Variants in LRBA observed in about 807,000 individuals in gnomAD.
LRBA encodes lipopolysaccharide-responsive and beige-like anchor protein.
A neutral mutation model predicts 330.0 loss-of-function variants in LRBA; 176 were observed. That is an observed-to-expected ratio of 0.53 (90% CI 0.47 to 0.60). LRBA has a LOEUF of 0.60. Among genes scored for constraint, LRBA ranks in the 20% least tolerant of loss-of-function variants. The pLI is 0.00. For synonymous variants in LRBA, 1,230 were observed against 1,193.0 expected, an observed-to-expected ratio of 1.03 and a Z score of -0.64; for missense variants, 3,259 against 3,444.8, an observed-to-expected ratio of 0.95 and a Z score of 1.35.
In LRBA at chr4:150,752,567, A is replaced by G. The variant is rs545542166; in HGVS notation, c.5645+9216T>C. On this transcript the variant is annotated intron_variant, in intron 35 of 56. Transcript: ENST00000651943. Reference sequence around the variant, plus strand: ...TTGAAATTTAGCCCAGGTAGTAGCCACTTTTTCTGGAAGGCAGTATCCTTG... The same window carrying G: ...TTGAAATTTAGCCCAGGTAGTAGCCGCTTTTTCTGGAAGGCAGTATCCTTG... Among the ~76,000 whole-genome samples, 17 of 152,252 alleles carry G rather than the reference A, an allele frequency of 1.1e-4. No individual in the cohort carries two copies. In the South Asian group the frequency reaches 3.1e-3, roughly 28 times the overall value.
intron 40 of LRBA, among the ~76,000 whole-genome samples, chr4:150,542,279 C>T (rs1765392825): frequency 6.6e-6 from 1 of 152,174 alleles, no homozygotes; most frequent in South Asian, 2.1e-4. Flanking sequence ...GGGTTCAAAA[C>T]TAGCTCTAGC....
intron 2 of LRBA, among the ~76,000 whole-genome samples, chr4:150,932,550 G>A (rs900299239): frequency 1.3e-5 from 2 of 152,054 alleles, no homozygotes; most frequent in Admixed American, 1.3e-4. Context: ...CATAGTATGT[G>A]CAAGAACATG....
chr4:150,574,472 T>G (rs1244658874), intron 40 of LRBA, among the ~76,000 whole-genome samples: 1 of 151,978 alleles, frequency 6.6e-6, no homozygotes, highest in Non-Finnish European at 1.5e-5. Context: ...TCCAACCCAC[T>G]CATTTAGCAA....
At position 150,808,276 on chromosome 4, in the gene LRBA, T is replaced by A. The variant is rs1249752676; in HGVS notation, c.5384+44A>T. On this transcript the variant is annotated intron_variant, in intron 32 of 56. Coordinates refer to ENST00000651943, the MANE Select transcript of LRBA (RefSeq NM_001364905.1). ...TAAACCTAGATAGCTTAAAAAGTCA[T>A]CAAAAGGTATAAATCACAATATTCA... 5 of 1,277,486 alleles carry A rather than the reference T, an allele frequency of 3.9e-6. No individual in the cohort carries two copies. In the African/African-American group the frequency reaches 4.4e-5, roughly 11 times the overall value. 79.1% of individuals were successfully genotyped at this position (1,277,486 alleles called of 1,614,324 possible). A position where few individuals can be genotyped will look rare whatever the true frequency, so the allele number is the denominator to read the frequency against.
At chr4:150,455,683 T>C (rs1753969095) in intron 44 of LRBA, among the ~76,000 whole-genome samples, 2 of 152,312 alleles carry the variant, frequency 1.3e-5, no homozygotes, top group East Asian at 3.9e-4. Flanking sequence ...ATATTTTTAA[T>C]TATTTTTAAA....
intron 44 of LRBA, among the ~76,000 whole-genome samples, chr4:150,449,429 A>G (rs759558922): frequency 6.6e-5 from 10 of 151,922 alleles, no homozygotes; most frequent in Non-Finnish European, 1.3e-4. Flanking sequence ...GATCTACTTA[A>G]GAATGAGGAT....
intron 46 of LRBA, among the ~76,000 whole-genome samples, chr4:150,421,434 A>T (rs1748780849): frequency 6.6e-6 from 1 of 151,140 alleles, no homozygotes; most frequent in Non-Finnish European, 1.5e-5. Context: ...GTTATTTCTT[A>T]TTAAAATAAT....
Position 150,961,407 on chromosome 4 carries a change from T to C in LRBA, c.217-32342A>G, listed in dbSNP as rs1738133473. ...AGAAATACTGCAAGGCATCATGATA[T>C]CCTGAGAAAACTTAAAGCTAAGACA... On this transcript the variant is annotated intron_variant, in intron 2 of 56. Coordinates refer to ENST00000651943, the MANE Select transcript of LRBA (RefSeq NM_001364905.1). 1.3e-5 allele frequency among the ~76,000 whole-genome samples: 2 copies of C among 149,222 alleles called. 1 individual carries two copies. The highest frequency in any genetic ancestry group is 5.2e-5 in the African/African-American group (2 of 38,662).
chr4:150,800,840 T>C (rs990277245), intron 33 of LRBA, among the ~76,000 whole-genome samples: 2 of 152,202 alleles, frequency 1.3e-5, no homozygotes, highest in Non-Finnish European at 2.9e-5. Flanking sequence ...GTTAGTCTTT[T>C]CAAAAGGACA....
At chr4:150,397,280 CA>C in intron 47 of LRBA, among the ~76,000 whole-genome samples, 1 of 152,160 alleles carries the variant, frequency 6.6e-6, no homozygotes, top group East Asian at 1.9e-4. Flanking sequence ...AAAAGGTATT[CA>C]TTTTTTTCTT....
At chr4:150,444,012 C>G (rs1752255582) in intron 44 of LRBA, among the ~76,000 whole-genome samples, 2 of 150,494 alleles carry the variant, frequency 1.3e-5, no homozygotes. Context: ...ATTAAATGCT[C>G]TTTTGAAAAA....
chr4:150,721,361 A>G, intron 36 of LRBA: 1 of 291,622 alleles, frequency 3.4e-6, no homozygotes, highest in East Asian at 1.0e-4. Flanking sequence ...TTGGGTGGAG[A>G]GAAGAATTTT....
At position 150,831,948 on chromosome 4, in the gene LRBA, G is replaced by T; in HGVS notation, c.4598C>A (p.Ala1533Asp). The change falls in exon 29 of 57, where the codon GCC becomes GAC. Residue 1533 changes from alanine (A) to aspartate (D), a missense_variant. Ala to Asp is a moderately radical substitution (Grantham distance 126, BLOSUM62 -2). Coordinates refer to ENST00000651943, the MANE Select transcript of LRBA (RefSeq NM_001364905.1). ...AGAGATAAAGTATACTACTGCCAAG[G>T]CTAAAAATTGAGCTTGTTTGCTATC... ...IEDSKQAQFL[A>D]LAVVYFISVL... 3 of 1,528,298 alleles carry T rather than the reference G, an allele frequency of 2.0e-6. No individual in the cohort carries two copies. The highest frequency in any genetic ancestry group is 2.6e-6 in the Non-Finnish European group (3 of 1,132,252). The allele number at this position is 1,528,298 out of a possible 1,614,324, so 94.7% of individuals were successfully genotyped here.
chr4:150,545,605 A>T (rs1765768699), intron 40 of LRBA, among the ~76,000 whole-genome samples: 2 of 152,202 alleles, frequency 1.3e-5, no homozygotes, highest in African/African-American at 4.8e-5. Flanking sequence ...ATTATATAAT[A>T]TCTAAAACCA....
Position 150,277,895 on chromosome 4 carries a change from C to T in LRBA, c.8426G>A (p.Cys2809Tyr), listed in dbSNP as rs1470296037. 5.0e-6 allele frequency: 8 copies of T among 1,614,178 alleles called. No individual in the cohort carries two copies. The highest frequency in any genetic ancestry group is 1.7e-5 in the Admixed American group (1 of 60,028). The change falls in exon 56 of 57, where the codon TGT becomes TAT. Residue 2809 changes from cysteine to tyrosine, a missense_variant. Cys to Tyr is a radical substitution (Grantham distance 194, BLOSUM62 -2). Transcript: ENST00000651943. ...DLKQLFAYPG[C>Y]DAGIRAMALS... Reference sequence around the variant, plus strand: ...CGCCATGGCCCGGATTCCAGCGTCACATCCTGGATAGGCAAAGAGCTGCTT... The same window carrying T: ...CGCCATGGCCCGGATTCCAGCGTCATATCCTGGATAGGCAAAGAGCTGCTT...
chr4:150,293,115 T>C (rs2126808174), intron 53 of LRBA, among the ~76,000 whole-genome samples: 1 of 152,206 alleles, frequency 6.6e-6, no homozygotes, highest in East Asian at 1.9e-4. Flanking sequence ...CAAAAATATA[T>C]TATACAATAT....
chr4:150,457,958 C>G (rs929786620), intron 44 of LRBA, among the ~76,000 whole-genome samples: 2 of 151,966 alleles, frequency 1.3e-5, no homozygotes, highest in Admixed American at 1.3e-4. Flanking sequence ...GGATTACTGA[C>G]TGGCAGTGTG....
rs756217235 is a variant in LRBA, at chr4:150,467,794, GA to G, written c.6668-10del. 8.0e-6 allele frequency: 10 copies of G among 1,244,024 alleles called. No individual in the cohort carries two copies. The highest frequency in any genetic ancestry group is 2.7e-5 in the South Asian group (2 of 73,818). 77.1% of individuals were successfully genotyped at this position (1,244,024 alleles called of 1,614,324 possible). On this transcript the variant is annotated splice_polypyrimidine_tract_variant and intron_variant, in intron 43 of 56. Transcript: ENST00000651943. ...GTCATTATAACTCCGTCCTGATAGG[GA>G]AAAAAGTTACTCGTAATTTATAATT...
intron 37 of LRBA, among the ~76,000 whole-genome samples, chr4:150,656,198 G>A (rs1443130432): frequency 6.6e-6 from 1 of 152,164 alleles, no homozygotes; most frequent in African/African-American, 2.4e-5. Context: ...GCTTGTTTTT[G>A]GTGTTGCTTT....
Sources: gnomAD v4.1 joint callset for allele counts (sites outside exome capture counted in the v4.1 genomes callset) on GRCh38, gnomAD v4.1.1 for gene constraint, MANE v1.5 for transcripts, NCBI Gene and HGNC (gene_info 2026-07-23, HGNC 2026-07-21) for gene names.